Variants in FBXO31 observed in about 807,000 individuals in gnomAD.
FBXO31 encodes F-box protein 31.
Under a neutral mutation model 54.4 loss-of-function variants are expected in FBXO31, and 24 were observed. The observed-to-expected ratio is 0.44, with a 90% CI of 0.32 to 0.62. The LOEUF (loss-of-function observed/expected upper bound fraction) is 0.62. Among genes scored for constraint, FBXO31 ranks in the 20% least tolerant of loss-of-function variants. The pLI, the probability that FBXO31 is intolerant of heterozygous loss-of-function variation, is 0.05. For synonymous variants in FBXO31, 388 were observed against 335.6 expected (o/e 1.16, Z -1.71); for missense variants, 665 against 787.1 (o/e 0.84, Z 1.86).
upstream of FBXO31, among the ~76,000 whole-genome samples, chr16:87,385,830 G>A (rs1236246626): frequency 1.3e-5 from 2 of 152,040 alleles, no homozygotes; most frequent in Non-Finnish European, 2.9e-5. Flanking sequence ...CCAACATGGT[G>A]AAACCTTGTC....
Position 87,336,978 on chromosome 16 carries a change from G to A in FBXO31, c.733-714C>T, listed in dbSNP as rs191483170. Among the ~76,000 whole-genome samples, 7 of 152,134 alleles carry A rather than the reference G, an allele frequency of 4.6e-5. No individual in the cohort carries two copies. The highest frequency in any genetic ancestry group is 1.4e-4 in the African/African-American group (6 of 41,406). On this transcript the variant is annotated intron_variant, in intron 5 of 8. Coordinates refer to ENST00000311635, the MANE Select transcript of FBXO31 (RefSeq NM_024735.5). The surrounding 1 kb of genome is among the most constrained non-coding windows in gnomAD (Gnocchi z 6.5). ...CCAGTCATTATCTAGACCTAACTCT[G>A]AAAGGGACGCATAAGCAACTCACAA...
chr16:87,363,640 A>C (rs936227522), intron 1 of FBXO31, among the ~76,000 whole-genome samples: 1 of 113,960 alleles, frequency 8.8e-6, no homozygotes. Flanking sequence ...AGGAATAAAT[A>C]GTTTTTTAAT....
Position 87,333,932 on chromosome 16 carries a change from C to T in FBXO31, c.1351G>A (p.Gly451Ser), listed in dbSNP as rs1904952362. The change falls in exon 8 of 9, where the codon GGC becomes AGC. Residue 451 changes from glycine (G) to serine (S), a missense_variant. Around this residue, in one of 4 missense-constraint regions of FBXO31, gnomAD observed 165 missense variants for 159.7 expected, o/e 1.03. Transcript: ENST00000311635. ...GQGQPFVLPV[G>S]VSSRNEDYPR... ...TAGTCCTCATTCCTGGAGCTCACGC[C>T]CACGGGCAGCACGAACGGCTGCCCC... 6.2e-7 allele frequency: 1 copy of T among 1,611,930 alleles called. No homozygotes were observed. The highest frequency in any genetic ancestry group is 8.5e-7 in the Non-Finnish European group (1 of 1,179,226).
upstream of FBXO31, among the ~76,000 whole-genome samples, chr16:87,385,779 C>T (rs980732608): frequency 6.2e-4 from 94 of 152,240 alleles, no homozygotes; most frequent in African/African-American, 2.1e-3. Context: ...GAGGCCAAGG[C>T]GGGCAGATCA....
chr16:87,378,919 G>A (rs1415127829), intron 1 of FBXO31, among the ~76,000 whole-genome samples: 2 of 146,994 alleles, frequency 1.4e-5, no homozygotes, highest in African/African-American at 2.5e-5. Flanking sequence ...CAGAGATGGC[G>A]CCACTGCACT....
chr16:87,350,845 G>A (rs761725611), intron 2 of FBXO31, among the ~76,000 whole-genome samples: 1 of 152,206 alleles, frequency 6.6e-6, no homozygotes, highest in African/African-American at 2.4e-5. Context: ...CCCAAAGTGG[G>A]AGTTCCCTGT....
At position 87,333,898 on chromosome 16, in the gene FBXO31, G is replaced by A. The variant is rs747572916; in HGVS notation, c.1385C>T (p.Thr462Ile). Reference sequence around the variant, plus strand: ...GCCGCATCCTTACCACATCCTGCAGGTTCGGGGGTAGTCCTCATTCCTGGA... The same window carrying A: ...GCCGCATCCTTACCACATCCTGCAGATTCGGGGGTAGTCCTCATTCCTGGA... ...VSSRNEDYPR[T>I]CRMCFYGTGL... Residue 462 changes from threonine to isoleucine, a missense_variant, in exon 8 of 9, where the codon ACC (threonine) becomes ATC (isoleucine). Transcript: ENST00000311635. The A allele has an allele frequency of 1.6e-5, 26 of 1,604,174 alleles. No homozygotes were observed. The Admixed American group carries it at 2.9e-4, about 18-fold the overall frequency.
chr16:87,385,286 G>C (rs1459326953), upstream of FBXO31, among the ~76,000 whole-genome samples: 1 of 152,130 alleles, frequency 6.6e-6, no homozygotes, highest in Non-Finnish European at 1.5e-5. Context: ...GTGAAACCCC[G>C]TCTCTACTAA....
At position 87,338,592 on chromosome 16, in the gene FBXO31, G is replaced by A. The variant is rs569751184; in HGVS notation, c.733-2328C>T. Among the ~76,000 whole-genome samples, 13 of 152,276 alleles carry A rather than the reference G, an allele frequency of 8.5e-5. No individual in the cohort carries two copies. In the East Asian group the frequency reaches 1.7e-3, roughly 20 times the overall value. On this transcript the variant is annotated intron_variant, in intron 5 of 8. Transcript: ENST00000311635. This position sits in a 1 kb window ranked among gnomAD's most constrained non-coding sequence, Gnocchi z 4.3. ...CGTCCCATTTCTCACAAGGACCCAC[G>A]GCTGAGGGAACCCACAACCCTGGGA...
intron 1 of FBXO31, 120 bp from the exon 2 acceptor site, chr16:87,360,486 T>G (rs1053320823): frequency 2.6e-6 from 2 of 761,940 alleles, no homozygotes; most frequent in African/African-American, 3.4e-5. Flanking sequence ...ATCTCCAGAG[T>G]GCATCTGTCA....
intron 5 of FBXO31, among the ~76,000 whole-genome samples, chr16:87,342,332 G>A (rs1382720874): frequency 6.6e-6 from 1 of 152,188 alleles, no homozygotes; most frequent in Non-Finnish European, 1.5e-5. Context: ...TGGGAATACA[G>A]GTGTGAGCCA....
At chr16:87,370,004 C>T (rs1389764108) in intron 1 of FBXO31, among the ~76,000 whole-genome samples, 1 of 152,220 alleles carries the variant, frequency 6.6e-6, no homozygotes, top group African/African-American at 2.4e-5. Flanking sequence ...CCAACCTCTG[C>T]ACACCATCTT....
At chr16:87,379,377 G>A (rs938248912) in intron 1 of FBXO31, among the ~76,000 whole-genome samples, 4 of 152,182 alleles carry the variant, frequency 2.6e-5, no homozygotes, top group African/African-American at 9.7e-5. Context: ...AGAGGGCATG[G>A]GGTAGGTACA....
intron 2 of FBXO31, among the ~76,000 whole-genome samples, chr16:87,350,385 T>C (rs1386315166): frequency 6.6e-6 from 1 of 152,188 alleles, no homozygotes; most frequent in African/African-American, 2.4e-5. Flanking sequence ...GTGTGCAGGC[T>C]GCTGCCAGCC....
chr16:87,350,922 C>T (rs777471060), intron 2 of FBXO31, among the ~76,000 whole-genome samples: 1 of 152,230 alleles, frequency 6.6e-6, no homozygotes, highest in Non-Finnish European at 1.5e-5. Context: ...TCTAAAGCGA[C>T]ATCCTCCATG....
chr16:87,347,129 A>C, intron 3 of FBXO31, 45 bp downstream of exon 3: 1 of 1,549,454 alleles, frequency 6.5e-7, no homozygotes. Context: ...GTAAGGCACC[A>C]CTCCTGCCCG....
chr16:87,339,493 T>C (rs959397740), intron 5 of FBXO31, among the ~76,000 whole-genome samples: 2 of 152,190 alleles, frequency 1.3e-5, no homozygotes, highest in Admixed American at 1.3e-4. Flanking sequence ...GCGCAGCCAG[T>C]GCAGCCCCTG....
At position 87,366,054 on chromosome 16, in the gene FBXO31, A is replaced by G. The variant is rs575562961; in HGVS notation, c.341-5688T>C. 2.0e-5 allele frequency among the ~76,000 whole-genome samples: 3 copies of G among 152,262 alleles called. No individual in the cohort carries two copies. The South Asian group carries it at 6.2e-4, about 32-fold the overall frequency. On this transcript the variant is annotated intron_variant, in intron 1 of 8. Transcript: ENST00000311635. ...AAAAACACAAAACAAAACAAAAAAC[A>G]AATCGGTCAACGTCACCAAAACCAA...
upstream of FBXO31, among the ~76,000 whole-genome samples, chr16:87,390,235 C>T (rs1907477112): frequency 6.6e-6 from 1 of 152,046 alleles, no homozygotes. Context: ...GAGCTGAGAT[C>T]ACGCCACTGC....
Sources: gnomAD v4.1 joint callset for allele counts (sites outside exome capture counted in the v4.1 genomes callset) on GRCh38, gnomAD v4.1.1 for gene constraint, gnomAD v4.1.1 regional missense constraint, Gnocchi (gnomAD v3.1) non-coding constraint, MANE v1.5 for transcripts, NCBI Gene and HGNC (gene_info 2026-07-23, HGNC 2026-07-21) for gene names.